The following ATG7 variants were observed in gnomAD, a reference collection of about 807,000 sequenced individuals.
The protein encoded by ATG7 is ubiquitin-like modifier-activating enzyme ATG7.
ATG7 carries 70 observed loss-of-function variants against 82.4 expected under a neutral mutation model. The observed-to-expected ratio is 0.85, with a 90% CI of 0.70 to 1.04. The LOEUF (loss-of-function observed/expected upper bound fraction) is 1.04. ATG7 is among the 50% of genes least tolerant of loss of function. The pLI is 0.00. For missense variants in ATG7, 792 were observed against 864.3 expected, an observed-to-expected ratio of 0.92 and a Z score of 1.05; for synonymous variants, 287 against 313.0, an observed-to-expected ratio of 0.92 and a Z score of 0.88.
intron 19 of ATG7, among the ~76,000 whole-genome samples, chr3:11,398,421 A>G (rs1310022323): frequency 6.6e-6 from 1 of 152,250 alleles, no homozygotes; most frequent in Non-Finnish European, 1.5e-5. Flanking sequence ...TAAACAGATA[A>G]CTAGAAAATC....
chr3:11,356,153 G>T (rs2075917383), intron 14 of ATG7, among the ~76,000 whole-genome samples: 1 of 152,146 alleles, frequency 6.6e-6, no homozygotes, highest in African/African-American at 2.4e-5. Context: ...GGGGCAAGTG[G>T]GGACCGACTG....
At chr3:11,548,231 G>A (rs1428638322) in intron 20 of ATG7, among the ~76,000 whole-genome samples, 1 of 152,002 alleles carries the variant, frequency 6.6e-6, no homozygotes, top group African/African-American at 2.4e-5. Context: ...TAAAGATGGG[G>A]TCTCACTATG....
intron 19 of ATG7, among the ~76,000 whole-genome samples, chr3:11,416,331 G>A (rs2081369996): frequency 6.6e-6 from 1 of 152,162 alleles, no homozygotes. Flanking sequence ...AGCCCATCTG[G>A]GCCTGGTGCT....
chr3:11,473,166 A>G (rs1044878479), intron 20 of ATG7, among the ~76,000 whole-genome samples: 1 of 152,194 alleles, frequency 6.6e-6, no homozygotes, highest in Non-Finnish European at 1.5e-5. Flanking sequence ...AAAACATTAT[A>G]GCACTTTGGG....
intron 9 of ATG7, among the ~76,000 whole-genome samples, chr3:11,318,690 A>C (rs1159543686): frequency 1.3e-5 from 2 of 152,194 alleles, no homozygotes; most frequent in African/African-American, 2.4e-5. Context: ...AGGTCTCTTC[A>C]GTTCCAGTTC....
intron 1 of ATG7, among the ~76,000 whole-genome samples, chr3:11,279,642 G>T (rs1456661519): frequency 6.6e-6 from 1 of 152,042 alleles, no homozygotes; most frequent in Non-Finnish European, 1.5e-5. Context: ...CCGAAATTGA[G>T]CCACCTCCCT....
rs562400742 is a variant in ATG7, at chr3:11,329,551, A to G, written c.679-1789A>G. Among the ~76,000 whole-genome samples the G allele has an allele frequency of 1.1e-3, 174 of 152,352 alleles. 1 individual carries two copies. Among genetic ancestry groups the G allele is most frequent in the African/African-American group, 3.9e-3 (163 of 41,572 alleles). On this transcript the variant is annotated intron_variant, in intron 9 of 20. Transcript: ENST00000693202. Reference sequence around the variant, plus strand: ...TCCATCTACTTTTTTATCATACAAAAAACATTCACCGAGTGTCTGCTCTGT... The same window carrying G: ...TCCATCTACTTTTTTATCATACAAAGAACATTCACCGAGTGTCTGCTCTGT...
intron 19 of ATG7, among the ~76,000 whole-genome samples, chr3:11,415,496 C>T (rs12493088): frequency 1.3e-5 from 2 of 152,124 alleles, no homozygotes; most frequent in Admixed American, 6.5e-5. Context: ...ACAAATTGTA[C>T]AGCCATACAA....
chr3:11,562,463 G>C (rs1367512036), downstream of ATG7, among the ~76,000 whole-genome samples: 1 of 152,178 alleles, frequency 6.6e-6, no homozygotes, highest in Non-Finnish European at 1.5e-5. Flanking sequence ...TGTGGACACA[G>C]AGCTTTGCTG....
intron 11 of ATG7, among the ~76,000 whole-genome samples, chr3:11,335,765 T>A (rs1313616292): frequency 1.3e-5 from 2 of 152,218 alleles, no homozygotes; most frequent in African/African-American, 2.4e-5. Context: ...TGGCACGATC[T>A]CGGCTCACTG....
intron 20 of ATG7, among the ~76,000 whole-genome samples, chr3:11,473,310 T>G (rs548542175): frequency 6.6e-6 from 1 of 152,158 alleles, no homozygotes; most frequent in Non-Finnish European, 1.5e-5. Context: ...AGGAAGAAAA[T>G]TGTCACTTAC....
chr3:11,463,445 A>C (rs2086535910), intron 20 of ATG7, among the ~76,000 whole-genome samples: 1 of 152,182 alleles, frequency 6.6e-6, no homozygotes, highest in African/African-American at 2.4e-5. Context: ...TTGTAACAGA[A>C]CTTGGGAATT....
chr3:11,337,488 C>G (rs6442250), intron 11 of ATG7, among the ~76,000 whole-genome samples: 4 of 141,130 alleles, frequency 2.8e-5, no homozygotes, highest in Non-Finnish European at 6.0e-5. Flanking sequence ...CTCTCTCTCT[C>G]TATATATATA....
intron 11 of ATG7, among the ~76,000 whole-genome samples, chr3:11,337,566 T>C (rs1226044884): frequency 1.3e-5 from 2 of 152,128 alleles, no homozygotes; most frequent in East Asian, 1.9e-4. Flanking sequence ...GTAAATTACA[T>C]ACTATTGCCA....
intron 18 of ATG7, among the ~76,000 whole-genome samples, chr3:11,367,021 G>T (rs997863264): frequency 5.1e-5 from 7 of 137,478 alleles, no homozygotes; most frequent in Non-Finnish European, 1.1e-4. Context: ...GTGTTTACTT[G>T]CTTACATTGT....
chr3:11,559,090 G>A (rs1370071150), downstream of ATG7, among the ~76,000 whole-genome samples: 2 of 152,262 alleles, frequency 1.3e-5, no homozygotes, highest in African/African-American at 2.4e-5. Context: ...AACAGTAGCC[G>A]CTGCCCTCCC....
intron 19 of ATG7, among the ~76,000 whole-genome samples, chr3:11,411,619 CAAAAAAAAAAAAAA>C (rs71055868): frequency 9.8e-5 from 7 of 71,758 alleles, no homozygotes; most frequent in East Asian, 9.6e-4. Flanking sequence ...ACTCTGTCTC[CAAAAAAAAAAAAAA>C]AAAAAAAAAA....
intron 18 of ATG7, among the ~76,000 whole-genome samples, chr3:11,377,099 T>A (rs2152841057): frequency 6.6e-6 from 1 of 152,266 alleles, no homozygotes; most frequent in Middle Eastern, 3.4e-3. Flanking sequence ...CTCAGAGCTG[T>A]GTATTAGGAA....
At chr3:11,382,105 G>A (rs1023005346) in intron 19 of ATG7, among the ~76,000 whole-genome samples, 1 of 152,036 alleles carries the variant, frequency 6.6e-6, no homozygotes, top group Non-Finnish European at 1.5e-5. Flanking sequence ...TTTTTCCTTT[G>A]GTAGTTTTCA....
Sources: allele counts gnomAD v4.1 joint callset (sites outside exome capture counted in the v4.1 genomes callset), GRCh38; gene constraint gnomAD v4.1.1; transcripts MANE v1.5; gene names NCBI Gene and HGNC (gene_info 2026-07-23, HGNC 2026-07-21).